The following SETDB2 variants were observed in gnomAD, a reference collection of about 807,000 sequenced individuals.
SETDB2 encodes the protein histone-lysine N-methyltransferase SETDB2.
A neutral mutation model predicts 82.5 loss-of-function variants in SETDB2; 56 were observed. The ratio of observed to expected loss-of-function variants is 0.68; its 90% CI spans 0.55 to 0.85. SETDB2 has a LOEUF of 0.85. Ranked by LOEUF, SETDB2 falls within the 40% of genes least tolerant of loss-of-function variation. The probability of loss-of-function intolerance (pLI) is 0.00; values close to 1 mark genes in which losing one functional copy is unlikely to be tolerated. For missense variants in SETDB2, 677 were observed against 816.4 expected (o/e 0.83, Z 2.08); for synonymous variants, 272 against 284.9 (o/e 0.95, Z 0.46).
chr13:49,467,635 A>G (rs1294248407), intron 4 of SETDB2, among the ~76,000 whole-genome samples: 1 of 152,196 alleles, frequency 6.6e-6, no homozygotes, highest in Non-Finnish European at 1.5e-5. Context: ...GCCAAACTAG[A>G]GTTTCTACAG....
Position 49,491,865 on chromosome 13 carries a change from C to A in SETDB2, c.*16C>A. On this transcript the variant is annotated 3_prime_UTR_variant, in exon 14 of 14. Transcript: ENST00000611815. The stretch of plus-strand genomic sequence containing the variant: ...AATATTATAAATATGTAACTAACGC[C>A]TGTTTGTGAAATTAGCTTATCAGGC... The A allele has an allele frequency of 6.5e-7, 1 of 1,529,952 alleles. No individual in the cohort carries two copies. The highest frequency in any genetic ancestry group is 1.1e-5 in the South Asian group (1 of 89,214). The allele number at this position is 1,529,952 out of a possible 1,614,324, so 94.8% of individuals were successfully genotyped here. A position where few individuals can be genotyped will look rare whatever the true frequency, so the allele number is the denominator to read the frequency against.
chr13:49,462,010 G>C (rs1015367091), intron 4 of SETDB2, among the ~76,000 whole-genome samples: 2 of 152,242 alleles, frequency 1.3e-5, no homozygotes, highest in Admixed American at 1.3e-4. Flanking sequence ...AAAGGGCAAA[G>C]TTGGGAAGGG....
intron 5 of SETDB2, among the ~76,000 whole-genome samples, chr13:49,472,470 C>T (rs1958270214): frequency 6.6e-6 from 1 of 152,166 alleles, no homozygotes; most frequent in Admixed American, 6.5e-5. Flanking sequence ...TCCAGACAGC[C>T]GTGGACTTCT....
At position 49,485,643 on chromosome 13, in the gene SETDB2, C is replaced by T. The variant is rs756764008; in HGVS notation, c.1496C>T (p.Ser499Leu). ...HNGKKMEFVS[S>L]ESVTPEDNDG... is the part of the protein sequence containing the mutation. ...TGTTTTTTTAAGGAATTTGTTTCCT[C>T]GGAGTCTGTCACTCCAGAAGATAAT... The change falls in exon 11 of 14, where the codon TCG (serine) becomes TTG (leucine). Residue 499 changes from serine (S) to leucine (L), a missense_variant. By Grantham distance (145) the Ser-to-Leu change is moderately radical. Transcript: ENST00000611815. 29 of 1,612,276 alleles carry T rather than the reference C, an allele frequency of 1.8e-5. No individual in the cohort carries two copies. The highest frequency in any genetic ancestry group is 2.7e-5 in the African/African-American group (2 of 74,816).
intron 4 of SETDB2, among the ~76,000 whole-genome samples, chr13:49,463,230 C>T (rs759282498): frequency 1.3e-5 from 2 of 151,996 alleles, no homozygotes; most frequent in African/African-American, 2.4e-5. Context: ...AGACTGGTCA[C>T]GAACTCCTGA....
Position 49,467,943 on chromosome 13 carries a change from A to G in SETDB2, c.288A>G (p.Pro96=). 1 of 1,606,942 alleles carries G rather than the reference A, an allele frequency of 6.2e-7. No homozygotes were observed. Among genetic ancestry groups the G allele is most frequent in the South Asian group, 1.1e-5 (1 of 90,006 alleles). Residue 96 remains proline, a synonymous_variant, in exon 5 of 14, where the codon CCA becomes CCG. Coordinates refer to ENST00000611815, the MANE Select transcript of SETDB2 (RefSeq NM_001160308.3). ...FPSTSCENSF[P]EDCTFLTTEN... is the part of the protein sequence containing the mutation. ...CTACATCATGTGAAAACTCCTTTCC[A>G]GAAGACTGTACATTTCTGTATGTAT...
intron 2 of SETDB2, among the ~76,000 whole-genome samples, chr13:49,455,405 T>C (rs1957864322): frequency 6.6e-6 from 1 of 152,186 alleles, no homozygotes; most frequent in African/African-American, 2.4e-5. Context: ...TCTTGCACTT[T>C]GAGTAGATCT....
At chr13:49,465,532 G>A (rs1958087603) in intron 4 of SETDB2, among the ~76,000 whole-genome samples, 1 of 151,744 alleles carries the variant, frequency 6.6e-6, no homozygotes, top group Non-Finnish European at 1.5e-5. Flanking sequence ...AAAAGGGTCA[G>A]AATCTAATTT....
In SETDB2 at chr13:49,482,774, T is replaced by C. The variant is rs767885104; in HGVS notation, c.1194T>C (p.Tyr398=). The C allele has an allele frequency of 8.1e-6, 13 of 1,612,236 alleles. No individual in the cohort carries two copies. The highest frequency in any genetic ancestry group is 2.2e-5 in the East Asian group (1 of 44,766). Reference sequence around the variant, plus strand: ...GCAGAGCTAACACTGAAAAATCTTATGGTATTGATGAAAACGGGAGAGATG... The same window carrying C: ...GCAGAGCTAACACTGAAAAATCTTACGGTATTGATGAAAACGGGAGAGATG... ...LLSRANTEKS[Y]GIDENGRDEN... is the part of the protein sequence containing the mutation. Residue 398 remains tyrosine (Y), a synonymous_variant, in exon 9 of 14, where the codon TAT becomes TAC. Transcript: ENST00000611815.
At chr13:49,486,176 A>G (rs1203353975) in intron 11 of SETDB2, among the ~76,000 whole-genome samples, 2 of 151,960 alleles carry the variant, frequency 1.3e-5, no homozygotes, top group Non-Finnish European at 2.9e-5. Flanking sequence ...GTGGTGGTGC[A>G]CACCTGAGGT....
chr13:49,493,191 A>G lies in SETDB2; in HGVS notation c.*1342A>G, dbSNP rs1227853128. The G allele has an allele frequency of 6.6e-6, 1 of 152,210 alleles. No homozygotes were observed. The highest frequency in any genetic ancestry group is 1.9e-4 in the East Asian group (1 of 5,204). 9.4% of individuals were successfully genotyped at this position (152,210 alleles called of 1,614,324 possible). Reference sequence around the variant, plus strand: ...AGACAGCTAGGAAAAGGAGCAAAACATAGCCCAGCAACCTACAGATGAAGA... The same window carrying G: ...AGACAGCTAGGAAAAGGAGCAAAACGTAGCCCAGCAACCTACAGATGAAGA... On this transcript the variant is annotated 3_prime_UTR_variant, in exon 14 of 14. Transcript: ENST00000611815.
chr13:49,453,389 T>C (rs1447878972), intron 2 of SETDB2, among the ~76,000 whole-genome samples: 1 of 151,862 alleles, frequency 6.6e-6, no homozygotes, highest in Non-Finnish European at 1.5e-5. Flanking sequence ...CTCTGCCTCC[T>C]GGGTTCAAGC....
intron 7 of SETDB2, among the ~76,000 whole-genome samples, chr13:49,480,603 A>G (rs1284701375): frequency 6.6e-6 from 1 of 152,158 alleles, no homozygotes; most frequent in Non-Finnish European, 1.5e-5. Context: ...TTGGGCAGCC[A>G]TTTCTCCGTT....
intron 6 of SETDB2, among the ~76,000 whole-genome samples, chr13:49,479,164 T>C (rs945161739): frequency 2.0e-5 from 3 of 152,190 alleles, no homozygotes; most frequent in African/African-American, 7.2e-5. Flanking sequence ...CCACACTAAA[T>C]CTCTTGAGAG....
chr13:49,487,791 G>GC (rs906391665), intron 11 of SETDB2, among the ~76,000 whole-genome samples: 59 of 152,326 alleles, frequency 3.9e-4, no homozygotes, highest in Middle Eastern at 3.4e-3. Flanking sequence ...ACTAATATGT[G>GC]CAAAACCCCT....
chr13:49,465,024 C>G (rs1172724932), intron 4 of SETDB2, among the ~76,000 whole-genome samples: 1 of 151,344 alleles, frequency 6.6e-6, no homozygotes, highest in Admixed American at 6.6e-5. Context: ...TGGGATCACA[C>G]TACTGTACTC....
rs200112099 is a variant in SETDB2 at position 49,476,650 on chromosome 13, C to T, written c.480C>T (p.His160=). The T allele has an allele frequency of 1.2e-6, 2 of 1,614,186 alleles. No homozygotes were observed. The highest frequency in any genetic ancestry group is 4.5e-5 in the East Asian group (2 of 44,880). Reference sequence around the variant, plus strand: ...CTCTGCAGCTGCCAATCAAATGTCACTTCCAAAGACGACATGCAAAGACAA... The same window carrying T: ...CTCTGCAGCTGCCAATCAAATGTCATTTCCAAAGACGACATGCAAAGACAA... ...ENPLQLPIKC[H]FQRRHAKTNS... Residue 160 remains histidine (H), a synonymous_variant, in exon 6 of 14, where the codon CAC becomes CAT. Coordinates refer to ENST00000611815, the MANE Select transcript of SETDB2 (RefSeq NM_001160308.3).
At chr13:49,478,781 C>T (rs1002516756) in intron 6 of SETDB2, among the ~76,000 whole-genome samples, 5 of 151,998 alleles carry the variant, frequency 3.3e-5, no homozygotes, top group African/African-American at 1.2e-4. Flanking sequence ...CAAAAGTTAG[C>T]GTGGCGTGGT....
intron 8 of SETDB2, chr13:49,481,928 T>C: frequency 5.2e-6 from 2 of 383,518 alleles, no homozygotes; most frequent in Non-Finnish European, 7.1e-6. Flanking sequence ...CATGACCATG[T>C]GCTTAGAAAA....
Sources: gnomAD v4.1 joint callset for allele counts (sites outside exome capture counted in the v4.1 genomes callset) on GRCh38, gnomAD v4.1.1 for gene constraint, MANE v1.5 for transcripts, NCBI Gene and HGNC (gene_info 2026-07-23, HGNC 2026-07-21) for gene names.